Variants in DIP2C observed in about 807,000 individuals in gnomAD.
DIP2C encodes DIP2 acetate--CoA ligase C (putative), also known as disco-interacting protein 2 homolog C.
Under a neutral mutation model 192.4 loss-of-function variants are expected in DIP2C, and 33 were observed. The observed-to-expected ratio is 0.17, with a 90% CI of 0.13 to 0.23. The LOEUF (loss-of-function observed/expected upper bound fraction) is 0.23. DIP2C is among the 10% of genes least tolerant of loss of function. The pLI, the probability that DIP2C is intolerant of heterozygous loss-of-function variation, is 1.00. For synonymous variants in DIP2C, 979 were observed against 864.1 expected, an observed-to-expected ratio of 1.13 and a Z score of -2.33; for missense variants, 1,537 against 2,110.1, an observed-to-expected ratio of 0.73 and a Z score of 5.32.
At chr10:389,839 C>G (rs888723020) in intron 13 of DIP2C, 152 bp downstream of exon 13, 9 of 666,752 alleles carry the variant, frequency 1.3e-5, no homozygotes, top group East Asian at 2.7e-5. Flanking sequence ...GTAGGCTGAG[C>G]TGATATCCTA....
Position 409,016 on chromosome 10 carries a change from G to C in DIP2C, c.1059C>G (p.Gly353=), listed in dbSNP as rs776775752. 8.7e-6 allele frequency: 14 copies of C among 1,613,898 alleles called. No individual in the cohort carries two copies. Among genetic ancestry groups the C allele is most frequent in the African/African-American group, 1.3e-5 (1 of 74,902 alleles). Reference sequence around the variant, plus strand: ...CCTTCATACTTCTTGTCCACAGCTTGCCTATGAATACAAATCACAGACAAA... The same window carrying C: ...CCTTCATACTTCTTGTCCACAGCTTCCCTATGAATACAAATCACAGACAAA... ...NGKPLYILTY[G]KLWTRSMKVA... Residue 353 remains glycine (G), a splice_region_variant and synonymous_variant, in exon 9 of 37, where the codon GGC becomes GGG. Coordinates refer to ENST00000280886, the MANE Select transcript of DIP2C (RefSeq NM_014974.3).
chr10:601,229 C>T (rs1852052820), intron 1 of DIP2C, among the ~76,000 whole-genome samples: 1 of 152,172 alleles, frequency 6.6e-6, no homozygotes, highest in African/African-American at 2.4e-5. Context: ...CAGATAAACT[C>T]ATTACCACTC....
intron 8 of DIP2C, among the ~76,000 whole-genome samples, chr10:412,076 T>A (rs1965222602): frequency 6.6e-6 from 1 of 152,222 alleles, no homozygotes. Flanking sequence ...ATATTCAGTC[T>A]GTGTCTTACG....
chr10:414,739 G>GTGTGTATA lies in DIP2C; in HGVS notation c.860-630_860-629insTATACACA. Reference sequence around the variant, plus strand: ...TGTGTGTGTGTGTGTGTGTGTGTGTGTACATATATATATATATAATGTGTA... The same window carrying GTGTGTATA: ...TGTGTGTGTGTGTGTGTGTGTGTGTGTGTGTATATACATATATATATATATAATGTGTA... On this transcript the variant is annotated intron_variant, in intron 7 of 36. Coordinates refer to ENST00000280886, the MANE Select transcript of DIP2C (RefSeq NM_014974.3). Among the ~76,000 whole-genome samples the GTGTGTATA allele has an allele frequency of 2.5e-3, 226 of 90,532 alleles. 11 individuals are homozygous for GTGTGTATA. The highest frequency in any genetic ancestry group is 0.011 in the East Asian group (31 of 2,860). The allele number at this position is 90,532 out of a possible 152,430, so 59.4% of individuals were successfully genotyped here.
At chr10:493,812 T>A (rs1265889174) in intron 1 of DIP2C, among the ~76,000 whole-genome samples, 1 of 152,214 alleles carries the variant, frequency 6.6e-6, no homozygotes, top group Non-Finnish European at 1.5e-5. Context: ...ACAAGCACTA[T>A]CATCCTTGTT....
intron 1 of DIP2C, among the ~76,000 whole-genome samples, chr10:582,250 G>A (rs1008165249): frequency 6.6e-6 from 1 of 152,190 alleles, no homozygotes; most frequent in Non-Finnish European, 1.5e-5. Context: ...CAGCCCAGGT[G>A]GAGACACCAC....
intron 8 of DIP2C, among the ~76,000 whole-genome samples, chr10:413,678 G>A (rs766888901): frequency 1.2e-4 from 19 of 152,152 alleles, no homozygotes; most frequent in Non-Finnish European, 2.2e-4. Context: ...GAGTGGCTGC[G>A]CGAGGGGGTG....
intron 31 of DIP2C, among the ~76,000 whole-genome samples, chr10:321,486 C>T (rs1004946084): frequency 1.3e-5 from 2 of 151,988 alleles, no homozygotes; most frequent in African/African-American, 4.8e-5. Context: ...TTCCCTCTCT[C>T]CATCAGGCGT....
intron 1 of DIP2C, among the ~76,000 whole-genome samples, chr10:681,381 C>A (rs369553059): frequency 2.1e-3 from 321 of 151,904 alleles, no homozygotes; most frequent in African/African-American, 5.6e-3. Flanking sequence ...CATGGTACAG[C>A]CACCATCTAT....
At chr10:552,582 G>A (rs1371414682) in intron 1 of DIP2C, among the ~76,000 whole-genome samples, 2 of 152,252 alleles carry the variant, frequency 1.3e-5, no homozygotes, top group Admixed American at 1.3e-4. Context: ...CGGGTGCAGT[G>A]GTTCACGCCT....
At chr10:601,498 AC>A (rs1852071069) in intron 1 of DIP2C, among the ~76,000 whole-genome samples, 1 of 152,192 alleles carries the variant, frequency 6.6e-6, no homozygotes, top group Non-Finnish European at 1.5e-5. Flanking sequence ...TTTCAATTCT[AC>A]CTGAAGCTGG....
intron 32 of DIP2C, among the ~76,000 whole-genome samples, chr10:289,216 G>A (rs564664100): frequency 1.5e-5 from 2 of 135,944 alleles, no homozygotes; most frequent in African/African-American, 2.5e-5. Flanking sequence ...GGGACAGGGT[G>A]CGGGCAGGGG....
At chr10:646,467 G>T (rs952959923) in intron 1 of DIP2C, among the ~76,000 whole-genome samples, 1 of 152,200 alleles carries the variant, frequency 6.6e-6, no homozygotes, top group Admixed American at 6.5e-5. Context: ...GACGGGTGGC[G>T]ACCGCACCAG....
intron 2 of DIP2C, among the ~76,000 whole-genome samples, chr10:483,630 C>G (rs1190609966): frequency 1.3e-5 from 2 of 152,164 alleles, no homozygotes; most frequent in African/African-American, 2.4e-5. Flanking sequence ...AAAACCCAGC[C>G]CTGTCGCCTT....
At chr10:413,773 C>A (rs775046724) in intron 8 of DIP2C, 140 bp downstream of exon 8, 1 of 1,021,482 alleles carries the variant, frequency 9.8e-7, no homozygotes, top group Non-Finnish European at 1.4e-6. Flanking sequence ...GGAGTGGCTG[C>A]GCGAGGGCGT....
chr10:557,750 T>G (rs541694708), intron 1 of DIP2C, among the ~76,000 whole-genome samples: 18 of 17,092 alleles, frequency 1.1e-3, no homozygotes, highest in Admixed American at 2.5e-3. Context: ...AGAGGATGGG[T>G]GGGAAGGGGG....
At chr10:410,383 CCCT>C (rs1474123249) in intron 8 of DIP2C, among the ~76,000 whole-genome samples, 1 of 152,186 alleles carries the variant, frequency 6.6e-6, no homozygotes, top group African/African-American at 2.4e-5. Context: ...TATTCATGTT[CCCT>C]CCTCCTGTCT....
Position 369,604 on chromosome 10 carries a change from C to A in DIP2C, c.2021G>T (p.Gly674Val). 6.2e-7 allele frequency: 1 copy of A among 1,613,818 alleles called. No homozygotes were observed. The highest frequency in any genetic ancestry group is 8.5e-7 in the Non-Finnish European group (1 of 1,179,868). Residue 674 changes from glycine (G) to valine (V), a missense_variant, in exon 18 of 37, where the codon GGC becomes GTC. Transcript: ENST00000280886. Reference sequence around the variant, plus strand: ...TCCATGCATGGAGAGGACACCCCGGCCCGGGGGCTGGTTACTGTCATCCGT... The same window carrying A: ...TCCATGCATGGAGAGGACACCCCGGACCGGGGGCTGGTTACTGTCATCCGT... The part of the protein sequence containing the change: ...RPTDDSNQPP[G>V]RGVLSMHGLT...
At chr10:587,095 G>A (rs72478225) in intron 1 of DIP2C, among the ~76,000 whole-genome samples, 4,385 of 148,010 alleles carry the variant, frequency 0.03, 196 homozygotes, top group African/African-American at 0.1. Flanking sequence ...CGGACCACCC[G>A]GATCCCTGCT....
Sources: gnomAD v4.1 joint callset for allele counts (sites outside exome capture counted in the v4.1 genomes callset) on GRCh38, gnomAD v4.1.1 for gene constraint, MANE v1.5 for transcripts, NCBI Gene and HGNC (gene_info 2026-07-23, HGNC 2026-07-21) for gene names.